Variants in HHLA2 observed in about 807,000 individuals in gnomAD.
The protein encoded by HHLA2 is HERV-H LTR-associating protein 2.
In HHLA2, 48 loss-of-function variants were observed where a neutral mutation model predicts 45.9. That is an observed-to-expected ratio of 1.05 (90% CI 0.83 to 1.33). The LOEUF (loss-of-function observed/expected upper bound fraction) is 1.33, where lower values mean the gene tolerates loss of function less well. Ranked by LOEUF, HHLA2 falls within the 40% of genes most tolerant of loss-of-function variation. The pLI is 0.00. For missense variants in HHLA2, 462 were observed against 494.3 expected, an observed-to-expected ratio of 0.93 and a Z score of 0.62; for synonymous variants, 161 against 173.9, an observed-to-expected ratio of 0.93 and a Z score of 0.59.
intron 1 of HHLA2, among the ~76,000 whole-genome samples, chr3:108,306,489 G>GCTCTCCCTCT (rs1450481626): frequency 6.6e-6 from 1 of 152,124 alleles, no homozygotes; most frequent in Non-Finnish European, 1.5e-5. Context: ...GCCTGCTCGA[G>GCTCTCCCTCT]CTCTCCCTCT....
chr3:108,306,578 C>A (rs879389112), intron 1 of HHLA2, among the ~76,000 whole-genome samples: 1 of 152,092 alleles, frequency 6.6e-6, no homozygotes, highest in Non-Finnish European at 1.5e-5. Flanking sequence ...TTTAAGATTT[C>A]TATTTTGTGT....
At chr3:108,335,632 C>G (rs550899808) in intron 3 of HHLA2, among the ~76,000 whole-genome samples, 1 of 152,252 alleles carries the variant, frequency 6.6e-6, no homozygotes, top group East Asian at 1.9e-4. Flanking sequence ...AGGATGCAAT[C>G]ATGGAACATT....
rs1035267290 is a variant in HHLA2 at position 108,356,576 on chromosome 3, G to A, written c.685+1195G>A. On this transcript the variant is annotated intron_variant, in intron 6 of 10. Coordinates refer to ENST00000619531, the Ensembl canonical transcript of HHLA2. ...AGCAATGGAAACATGGGAAAGGGTT[G>A]CAAATGTTAATATTATAAATATTGC... 5.9e-5 allele frequency among the ~76,000 whole-genome samples: 9 copies of A among 152,190 alleles called. 1 individual carries two copies. Among genetic ancestry groups the A allele is most frequent in the African/African-American group, 2.2e-4 (9 of 41,442 alleles).
At chr3:108,327,097 G>T (rs765506358) in intron 2 of HHLA2, among the ~76,000 whole-genome samples, 9 of 152,066 alleles carry the variant, frequency 5.9e-5, no homozygotes, top group Non-Finnish European at 1.2e-4. Flanking sequence ...GTTATAATTT[G>T]GGGGTTGCAA....
At chr3:108,301,166 G>A (rs756196447) in intron 1 of HHLA2, among the ~76,000 whole-genome samples, 3 of 152,036 alleles carry the variant, frequency 2.0e-5, no homozygotes, top group East Asian at 1.9e-4. Context: ...TGAATTTAGC[G>A]TTTTATTTTA....
intron 2 of HHLA2, among the ~76,000 whole-genome samples, chr3:108,320,945 C>T (rs1456817841): frequency 1.3e-5 from 2 of 151,978 alleles, no homozygotes; most frequent in African/African-American, 4.8e-5. Flanking sequence ...TCAGTGATAA[C>T]AGAACACTTT....
At chr3:108,362,801 G>A (rs1050179470) in intron 8 of HHLA2, among the ~76,000 whole-genome samples, 3 of 152,014 alleles carry the variant, frequency 2.0e-5, no homozygotes, top group African/African-American at 7.2e-5. Context: ...GTATTAAAAT[G>A]ATAACCAGGA....
At chr3:108,336,505 T>C (rs2081474433) in intron 3 of HHLA2, among the ~76,000 whole-genome samples, 2 of 152,300 alleles carry the variant, frequency 1.3e-5, no homozygotes, top group South Asian at 2.1e-4. Flanking sequence ...ATGTAATATA[T>C]ACTGTGATTC....
intron 3 of HHLA2, among the ~76,000 whole-genome samples, chr3:108,348,335 G>A (rs182303663): frequency 1.3e-5 from 2 of 152,238 alleles, no homozygotes; most frequent in Admixed American, 6.5e-5. Context: ...GTTAGATGAG[G>A]ACAAATAATA....
intron 3 of HHLA2, among the ~76,000 whole-genome samples, chr3:108,341,177 T>G (rs1011491238): frequency 1.3e-4 from 20 of 152,042 alleles, no homozygotes; most frequent in Admixed American, 5.2e-4. Flanking sequence ...GGTGTCGAAC[T>G]GCTGACCTCA....
rs975600863 is a variant in HHLA2 at position 108,353,411 on chromosome 3, C to T, written c.65-16C>T. ...GGCATTAATTCTCTTTATAACTTCT[C>T]TGCTCTTGACTGTAGGCATATTCCC... is the stretch of plus-strand genomic sequence containing the variant. On this transcript the variant is annotated splice_polypyrimidine_tract_variant and intron_variant, in intron 4 of 10. Coordinates refer to ENST00000619531, the Ensembl canonical transcript of HHLA2. The T allele has an allele frequency of 7.4e-6, 11 of 1,488,178 alleles. No individual in the cohort carries two copies. Among genetic ancestry groups the T allele is most frequent in the Non-Finnish European group, 1.0e-5 (11 of 1,097,764 alleles). 92.2% of individuals were successfully genotyped at this position (1,488,178 alleles called of 1,614,324 possible).
Position 108,351,772 on chromosome 3 carries a change from T to C in HHLA2, c.-26-16T>C, listed in dbSNP as rs557815350. ...TTTTAAATCCATAACATGTGCACTT[T>C]ACTTCTCTTTGATAGCATGACTAAT... On this transcript the variant is annotated splice_polypyrimidine_tract_variant and intron_variant, in intron 3 of 10. Transcript: ENST00000619531. 1 of 1,564,536 alleles carries C rather than the reference T, an allele frequency of 6.4e-7. No homozygotes were observed. The highest frequency in any genetic ancestry group is 2.3e-5 in the East Asian group (1 of 44,432).
intron 8 of HHLA2, among the ~76,000 whole-genome samples, chr3:108,364,591 C>T (rs1187697452): frequency 6.6e-6 from 1 of 152,226 alleles, no homozygotes; most frequent in Admixed American, 6.5e-5. Context: ...AATGGTTGAA[C>T]TAATTTACTC....
chr3:108,361,988 T>C (rs987373108), intron 7 of HHLA2, among the ~76,000 whole-genome samples: 1 of 152,128 alleles, frequency 6.6e-6, no homozygotes, highest in African/African-American at 2.4e-5. Context: ...AAACTGAAAA[T>C]GCATAATAGA....
chr3:108,351,730 TC>T, intron 3 of HHLA2, 57 bp from the exon 3 acceptor site: 1 of 1,058,404 alleles, frequency 9.4e-7, no homozygotes. Flanking sequence ...ACCACTCTTT[TC>T]CAATTCCCTT....
rs79500289 is a variant in HHLA2 at position 108,357,502 on chromosome 3, A to G, written c.686-342A>G. On this transcript the variant is annotated intron_variant, in intron 6 of 10. Transcript: ENST00000619531. ...GGGGACCACCAGCATTAGAGGGGCC[A>G]AGAGAAGGAGAACATTGAGTTTAAT... Among the ~76,000 whole-genome samples the G allele has an allele frequency of 7.2e-3, 1,095 of 152,320 alleles. 14 individuals are homozygous for G. The highest frequency in any genetic ancestry group is 0.025 in the African/African-American group (1,048 of 41,574).
intron 3 of HHLA2, among the ~76,000 whole-genome samples, chr3:108,332,741 G>A (rs990445778): frequency 5.3e-5 from 8 of 152,286 alleles, no homozygotes; most frequent in African/African-American, 1.9e-4. Context: ...GAACTCTCAG[G>A]TGAGGATCTG....
At chr3:108,344,746 T>C (rs1280582698) in intron 3 of HHLA2, among the ~76,000 whole-genome samples, 2 of 152,208 alleles carry the variant, frequency 1.3e-5, no homozygotes, top group African/African-American at 4.8e-5. Flanking sequence ...ACAAAATGCC[T>C]GCTGTCTGCC....
At chr3:108,344,292 CAA>C (rs2081625720) in intron 3 of HHLA2, among the ~76,000 whole-genome samples, 2 of 152,002 alleles carry the variant, frequency 1.3e-5, no homozygotes, top group Non-Finnish European at 2.9e-5. Context: ...CCTTTGCATT[CAA>C]ATATGTACAA....
Sources: gnomAD v4.1 joint callset for allele counts (sites outside exome capture counted in the v4.1 genomes callset) on GRCh38, gnomAD v4.1.1 for gene constraint, MANE v1.5 for transcripts, NCBI Gene and HGNC (gene_info 2026-07-23, HGNC 2026-07-21) for gene names.